Variants in DCUN1D1 observed in about 807,000 individuals in gnomAD.
DCUN1D1 encodes defective in cullin neddylation 1 domain containing 1.
A neutral mutation model predicts 39.0 loss-of-function variants in DCUN1D1; 3 were observed. That is an observed-to-expected ratio of 0.08 (90% confidence interval 0.04 to 0.20). The LOEUF (loss-of-function observed/expected upper bound fraction) is 0.20. Ranked by LOEUF, DCUN1D1 falls within the 10% of genes least tolerant of loss-of-function variation. The probability of loss-of-function intolerance (pLI) is 1.00; values close to 1 mark genes in which losing one functional copy is unlikely to be tolerated. For synonymous variants in DCUN1D1, 82 were observed against 96.3 expected (o/e 0.85, Z 0.87); for missense variants, 158 against 302.4 (o/e 0.52, Z 3.54).
intron 1 of DCUN1D1, among the ~76,000 whole-genome samples, chr3:182,971,991 T>C (rs780578665): frequency 2.6e-5 from 4 of 151,426 alleles, no homozygotes; most frequent in African/African-American, 4.8e-5. Flanking sequence ...AATTCCCCAT[T>C]AAGCATTCTC....
At chr3:182,979,611 A>C (rs755059849) in intron 1 of DCUN1D1, among the ~76,000 whole-genome samples, 41 of 117,186 alleles carry the variant, frequency 3.5e-4, no homozygotes, top group Non-Finnish European at 7.1e-4. Context: ...CCCCCCCCCA[A>C]ACAAAAAAGG....
chr3:182,960,661 A>G (rs551525533), intron 4 of DCUN1D1, among the ~76,000 whole-genome samples: 34 of 152,196 alleles, frequency 2.2e-4, no homozygotes, highest in Non-Finnish European at 4.1e-4. Flanking sequence ...TGCAAATTAC[A>G]CTGTATCTTT....
At chr3:182,967,907 C>T (rs1727751109) in intron 1 of DCUN1D1, among the ~76,000 whole-genome samples, 1 of 152,214 alleles carries the variant, frequency 6.6e-6, no homozygotes, top group Non-Finnish European at 1.5e-5. Flanking sequence ...ATACCTTTCT[C>T]CCTTGAGTGA....
intron 1 of DCUN1D1, among the ~76,000 whole-genome samples, chr3:182,966,995 T>C (rs1296538058): frequency 6.6e-6 from 1 of 151,982 alleles, no homozygotes; most frequent in Non-Finnish European, 1.5e-5. Context: ...TAATCCCAGC[T>C]ACTCGGGAGG....
At chr3:182,977,395 A>G (rs1728289544) in intron 1 of DCUN1D1, among the ~76,000 whole-genome samples, 1 of 152,222 alleles carries the variant, frequency 6.6e-6, no homozygotes, top group Non-Finnish European at 1.5e-5. Context: ...GAAATCATCA[A>G]GTCCAATCCT....
At chr3:182,979,608 C>CG (rs1728420370) in intron 1 of DCUN1D1, among the ~76,000 whole-genome samples, 2 of 148,312 alleles carry the variant, frequency 1.3e-5, no homozygotes, top group Non-Finnish European at 3.0e-5. Context: ...TTTCCCCCCC[C>CG]CAAACAAAAA....
At position 182,949,126 on chromosome 3, in the gene DCUN1D1, C is replaced by T. The variant is rs765112906; in HGVS notation, c.521-1494G>A. ...CTGTAATCCTAGCACTTTGGGAGGC[C>T]GAGGCAGGCAGATCACTTGAGGTCA... On this transcript the variant is annotated intron_variant, in intron 4 of 6. Coordinates refer to ENST00000292782, the MANE Select transcript of DCUN1D1 (RefSeq NM_020640.4). Among the ~76,000 whole-genome samples the T allele has an allele frequency of 4.0e-5, 6 of 150,808 alleles. No homozygotes were observed. The South Asian group carries it at 1.0e-3, about 26-fold the overall frequency.
intron 6 of DCUN1D1, 83 bp from the exon 7 acceptor site, chr3:182,945,256 T>C: frequency 9.7e-7 from 1 of 1,026,166 alleles, no homozygotes; most frequent in Non-Finnish European, 1.4e-6. Flanking sequence ...ATCCTTTTTT[T>C]AAGACTTCCT....
At chr3:182,976,959 T>C (rs141581615) in intron 1 of DCUN1D1, among the ~76,000 whole-genome samples, 4 of 152,364 alleles carry the variant, frequency 2.6e-5, no homozygotes, top group African/African-American at 7.2e-5. Context: ...CTAGTATTTG[T>C]TGACAACATA....
At chr3:182,948,417 C>T (rs1220179052) in intron 4 of DCUN1D1, among the ~76,000 whole-genome samples, 1 of 151,920 alleles carries the variant, frequency 6.6e-6, no homozygotes, top group African/African-American at 2.4e-5. Flanking sequence ...ACTTACCACA[C>T]GACAGAGAAC....
chr3:182,973,587 T>C (rs950710173), intron 1 of DCUN1D1, among the ~76,000 whole-genome samples: 1 of 152,144 alleles, frequency 6.6e-6, no homozygotes, highest in African/African-American at 2.4e-5. Flanking sequence ...GGCGGGCGGA[T>C]CATGAGGTCA....
In DCUN1D1 at chr3:182,938,154, T is replaced by C. The variant is rs185539742; in HGVS notation, c.*6940A>G. 3.9e-5 allele frequency: 6 copies of C among 152,284 alleles called. No individual in the cohort carries two copies. Among genetic ancestry groups the C allele is most frequent in the African/African-American group, 1.2e-4 (5 of 41,566 alleles). The allele number at this position is 152,284 out of a possible 1,614,324, so 9.4% of individuals were successfully genotyped here. The stretch of plus-strand genomic sequence containing the variant: ...TTATATACTACATTAACTTGAAAAA[T>C]ATATTCGTTAGAATTTTTTTATTAA... On this transcript the variant is annotated 3_prime_UTR_variant, in exon 7 of 7. Coordinates refer to ENST00000292782, the MANE Select transcript of DCUN1D1 (RefSeq NM_020640.4).
At chr3:182,979,492 T>C (rs1728405994) in intron 1 of DCUN1D1, among the ~76,000 whole-genome samples, 2 of 152,074 alleles carry the variant, frequency 1.3e-5, no homozygotes. Flanking sequence ...GACTGTACAA[T>C]GCCAAACAGC....
intron 1 of DCUN1D1, among the ~76,000 whole-genome samples, chr3:182,966,665 G>A (rs1430525829): frequency 1.3e-5 from 2 of 152,116 alleles, no homozygotes; most frequent in Admixed American, 1.3e-4. Context: ...TCTCACCCAA[G>A]CCGGCCTCCT....
At chr3:182,964,093 C>T in intron 2 of DCUN1D1, 44 bp from the exon 3 acceptor site, 1 of 1,515,628 alleles carries the variant, frequency 6.6e-7, no homozygotes, top group Non-Finnish European at 9.0e-7. Context: ...TCATATTATG[C>T]TACATTATGA....
At chr3:182,980,692 C>A (rs998535417), upstream of DCUN1D1, 549 of 524,382 alleles carry the variant, frequency 1.0e-3, 2 homozygotes, top group Non-Finnish European at 1.3e-3. Flanking sequence ...CGCGGGGCTT[C>A]CCCCGGGCGC....
chr3:182,981,587 CAGAA>C (rs945869640), upstream of DCUN1D1, among the ~76,000 whole-genome samples: 10 of 152,168 alleles, frequency 6.6e-5, no homozygotes, highest in Non-Finnish European at 1.5e-4. Flanking sequence ...CAAACTCACT[CAGAA>C]AGTCACATCT....
chr3:182,949,393 C>T (rs1726589173), intron 4 of DCUN1D1, among the ~76,000 whole-genome samples: 2 of 151,670 alleles, frequency 1.3e-5, no homozygotes, highest in East Asian at 1.9e-4. Context: ...AAACTTGATG[C>T]TAATTCACTG....
rs1237789406 is a variant in DCUN1D1, at chr3:182,961,206, T to C, written c.520+20A>G. 3 of 1,451,148 alleles carry C rather than the reference T, an allele frequency of 2.1e-6. No homozygotes were observed. The highest frequency in any genetic ancestry group is 2.8e-6 in the Non-Finnish European group (3 of 1,061,636). 89.9% of individuals were successfully genotyped at this position (1,451,148 alleles called of 1,614,324 possible). A position where few individuals can be genotyped will look rare whatever the true frequency, so the allele number is the denominator to read the frequency against. On this transcript the variant is annotated intron_variant, in intron 4 of 6. Transcript: ENST00000292782. ...TTGAATATATCTGAAACACCAAATATAATTTTTAAAAATTCTTACCTAATC... is the reference window on the plus strand; with the variant it reads ...TTGAATATATCTGAAACACCAAATACAATTTTTAAAAATTCTTACCTAATC...
Sources: gnomAD v4.1 joint callset for allele counts (sites outside exome capture counted in the v4.1 genomes callset) on GRCh38, gnomAD v4.1.1 for gene constraint, MANE v1.5 for transcripts, NCBI Gene and HGNC (gene_info 2026-07-23, HGNC 2026-07-21) for gene names.